Variants in ABCA6 observed in about 807,000 individuals in gnomAD.
The protein encoded by ABCA6 is ATP-binding cassette sub-family A member 6.
Under a neutral mutation model 191.2 loss-of-function variants are expected in ABCA6, and 164 were observed. That is an observed-to-expected ratio of 0.86 (90% CI 0.76 to 0.98). The LOEUF (loss-of-function observed/expected upper bound fraction) is 0.98. ABCA6 is among the 50% of genes least tolerant of loss of function. ABCA6 has a pLI of 0.00. For synonymous variants in ABCA6, 636 were observed against 647.7 expected, an observed-to-expected ratio of 0.98 and a Z score of 0.27; for missense variants, 1,958 against 1,894.1, an observed-to-expected ratio of 1.03 and a Z score of -0.63.
At chr17:69,127,867 T>C (rs2073782078) in intron 8 of ABCA6, among the ~76,000 whole-genome samples, 1 of 152,104 alleles carries the variant, frequency 6.6e-6, no homozygotes, top group South Asian at 2.1e-4. Flanking sequence ...AACTAAAAAT[T>C]ATCATAATCT....
Position 69,096,286 on chromosome 17 carries a change from C to A in ABCA6, c.3362G>T (p.Arg1121Leu), listed in dbSNP as rs144019394. Residue 1121 changes from arginine to leucine, a missense_variant, in exon 25 of 39, where the codon CGC becomes CTC. Arg to Leu is a moderately radical substitution (Grantham distance 102, BLOSUM62 -2). Transcript: ENST00000284425. ...FFIYMISFIF[R>L]KRRKNSGLWS... ...AAGGCCACTGTTTTTTCTCCTTTTG[C>A]GAAAAATAAATGATATCATATATAT... 1 of 1,527,744 alleles carries A rather than the reference C, an allele frequency of 6.5e-7. No homozygotes were observed. Among genetic ancestry groups the A allele is most frequent in the Non-Finnish European group, 8.8e-7 (1 of 1,136,904 alleles). The allele number at this position is 1,527,744 out of a possible 1,614,324, so 94.6% of individuals were successfully genotyped here. A position where few individuals can be genotyped will look rare whatever the true frequency, so the allele number is the denominator to read the frequency against.
At chr17:69,101,688 C>T (rs1428888909) in intron 21 of ABCA6, among the ~76,000 whole-genome samples, 1 of 151,806 alleles carries the variant, frequency 6.6e-6, no homozygotes, top group East Asian at 1.9e-4. Flanking sequence ...TCATCCTTAC[C>T]CTGCCAAAGA....
chr17:69,086,374 G>A (rs1196516193), intron 30 of ABCA6, among the ~76,000 whole-genome samples: 2 of 151,688 alleles, frequency 1.3e-5, no homozygotes, highest in Non-Finnish European at 1.5e-5. Context: ...GAGACACAAC[G>A]TTTCCAAATG....
Position 69,087,466 on chromosome 17 carries a change from G to C in ABCA6, c.3706C>G (p.Pro1236Ala). 1 of 1,613,558 alleles carries C rather than the reference G, an allele frequency of 6.2e-7. No homozygotes were observed. Residue 1236 changes from proline (P) to alanine (A), a missense_variant, in exon 29 of 39, where the codon CCC becomes GCC. By Grantham distance (27) the Pro-to-Ala change is conservative (BLOSUM62 -1). Coordinates refer to ENST00000284425, the MANE Select transcript of ABCA6 (RefSeq NM_080284.3). Reference sequence around the variant, plus strand: ...TTTGGCTTAGCATCTCTACTTTGGGGGGAAATTCTATGGAGAAAATGAAAT... The same window carrying C: ...TTTGGCTTAGCATCTCTACTTTGGGCGGAAATTCTATGGAGAAAATGAAAT... ...MRKDPVFRIS[P>A]QSRDAKPNPE...
intron 18 of ABCA6, 37 bp from the exon 19 acceptor site, chr17:69,106,248 A>C: frequency 6.4e-7 from 1 of 1,554,740 alleles, no homozygotes; most frequent in Non-Finnish European, 8.7e-7. Context: ...ACATATTATA[A>C]TATTAATGCC....
Position 69,140,700 on chromosome 17 carries a change from T to A in ABCA6, c.4A>T (p.Asn2Tyr). The change falls in exon 2 of 39, where the codon AAT (asparagine) becomes TAT (tyrosine). Residue 2 changes from asparagine (N) to tyrosine (Y), a missense_variant. Asn to Tyr is a moderately radical substitution (Grantham distance 143). Transcript: ENST00000284425. M[N>Y]MKQKSVYQQT... ...TGATACACGCTTTTCTGTTTCATAT[T>A]CATTTAGCCTATTCGCTGAAGGAGA... is the stretch of plus-strand genomic sequence containing the variant. The A allele has an allele frequency of 1.3e-6, 2 of 1,584,152 alleles. No homozygotes were observed. The highest frequency in any genetic ancestry group is 1.7e-6 in the Non-Finnish European group (2 of 1,166,208).
intron 37 of ABCA6, among the ~76,000 whole-genome samples, chr17:69,079,811 C>T (rs1164763011): frequency 6.6e-6 from 1 of 152,160 alleles, no homozygotes; most frequent in Non-Finnish European, 1.5e-5. Context: ...GTACTCCTGC[C>T]TTGATATAGT....
intron 20 of ABCA6, among the ~76,000 whole-genome samples, chr17:69,103,211 A>T (rs564456913): frequency 3.3e-5 from 5 of 152,310 alleles, no homozygotes; most frequent in African/African-American, 1.2e-4. Context: ...AATCATAAAA[A>T]TAAGCTAATT....
chr17:69,085,582 C>G, intron 31 of ABCA6, 43 bp downstream of exon 31: 1 of 1,322,376 alleles, frequency 7.6e-7, no homozygotes, highest in African/African-American at 1.5e-5. Context: ...CTATACGTAT[C>G]ATGAAATTCC....
intron 6 of ABCA6, among the ~76,000 whole-genome samples, chr17:69,129,953 C>T (rs141386790): frequency 5.3e-5 from 8 of 152,206 alleles, no homozygotes; most frequent in Non-Finnish European, 7.4e-5. Flanking sequence ...CATTCATCTT[C>T]GTTACCTTTA....
At chr17:69,108,016 A>G (rs1483161384) in intron 17 of ABCA6, 1 of 474,924 alleles carries the variant, frequency 2.1e-6, no homozygotes, top group Non-Finnish European at 3.7e-6. Flanking sequence ...CCATCCTCAA[A>G]CTGTCTCACT....
At position 69,123,357 on chromosome 17, in the gene ABCA6, A is replaced by G. The variant is rs2073686938; in HGVS notation, c.1318T>C (p.Cys440Arg). The G allele has an allele frequency of 4.5e-6, 7 of 1,555,024 alleles. No individual in the cohort carries two copies. The highest frequency in any genetic ancestry group is 6.1e-6 in the Non-Finnish European group (7 of 1,143,802). Reference sequence around the variant, plus strand: ...GCATTAGTCCTTTGGTGTTGGAAACAAGATGATGAATTCAAGAAAAATAAA... The same window carrying G: ...GCATTAGTCCTTTGGTGTTGGAAACGAGATGATGAATTCAAGAAAAATAAA... The part of the protein sequence containing the change: ...SPLFFLNSSS[C>R]FQHQRTNAKV... Residue 440 changes from cysteine (C) to arginine (R), a missense_variant, in exon 10 of 39, where the codon TGT becomes CGT. Physicochemically the swap from Cys to Arg is radical, Grantham distance 180. Transcript: ENST00000284425.
chr17:69,090,444 A>G (rs1455485838), intron 26 of ABCA6, among the ~76,000 whole-genome samples: 1 of 152,146 alleles, frequency 6.6e-6, no homozygotes, highest in Non-Finnish European at 1.5e-5. Flanking sequence ...TGTCCCATTA[A>G]CTAATTATTA....
chr17:69,101,107 G>A lies in ABCA6; in HGVS notation c.2875-173C>T, dbSNP rs371412372. Among the ~76,000 whole-genome samples, 25 of 152,262 alleles carry A rather than the reference G, an allele frequency of 1.6e-4. No homozygotes were observed. In the East Asian group the frequency reaches 3.7e-3, roughly 22 times the overall value. On this transcript the variant is annotated intron_variant, in intron 21 of 38. Coordinates refer to ENST00000284425, the MANE Select transcript of ABCA6 (RefSeq NM_080284.3). ...TCTATGAAAAGGAAATACTAAATGGGTTGTTATAGGGCTTAAATGACACTC... is the reference window on the plus strand; with the variant it reads ...TCTATGAAAAGGAAATACTAAATGGATTGTTATAGGGCTTAAATGACACTC...
chr17:69,101,010 C>T, intron 21 of ABCA6, 76 bp from the exon 22 acceptor site: 1 of 1,225,836 alleles, frequency 8.2e-7, no homozygotes. Flanking sequence ...TATAAAAGAT[C>T]CTAACAGTGC....
Position 69,106,035 on chromosome 17 carries a change from A to G in ABCA6, c.2566T>C (p.Leu856=), listed in dbSNP as rs202127512. 1 of 1,611,056 alleles carries G rather than the reference A, an allele frequency of 6.2e-7. No individual in the cohort carries two copies. The highest frequency in any genetic ancestry group is 2.2e-5 in the East Asian group (1 of 44,812). The change falls in exon 19 of 39, where the codon TTG becomes CTG. Residue 856 remains leucine, a synonymous_variant. Transcript: ENST00000284425. ...CAGTACTCTCCTACTCACAGGGTCAATAACACTTTAGTTTGACGTTTTAAC... is the reference window on the plus strand; with the variant it reads ...CAGTACTCTCCTACTCACAGGGTCAGTAACACTTTAGTTTGACGTTTTAAC... ...LKLKRQTKVL[L]TLLLVFGIAI... is the part of the protein sequence containing the mutation.
In ABCA6 at chr17:69,115,452, C is replaced by T. The variant is rs371648432; in HGVS notation, c.1530G>A (p.Thr510=). The T allele has an allele frequency of 3.1e-5, 50 of 1,611,476 alleles. No individual in the cohort carries two copies. In the African/African-American group the frequency reaches 4.8e-4, roughly 15 times the overall value. The change falls in exon 12 of 39, where the codon ACG becomes ACA. Residue 510 remains threonine, a synonymous_variant. Coordinates refer to ENST00000284425, the MANE Select transcript of ABCA6 (RefSeq NM_080284.3). The stretch of plus-strand genomic sequence containing the variant: ...CAGCTCCACTGTGACCCAGGATTGC[C>T]GTGATTTGACCTTCATATATGTCAA... ...LLFDIYEGQI[T]AILGHSGAGK...
Position 69,110,924 on chromosome 17 carries a change from T to C in ABCA6, c.2149A>G (p.Ile717Val), listed in dbSNP as rs1292581817. ...GATGTTATTTGTTCTGGGTTACATA[T>C]TTCATTCCTATGTAAACTAATATTT... ...GYHLSLHRNE[I>V]CNPEQITSFI... The change falls in exon 17 of 39, where the codon ATA (isoleucine) becomes GTA (valine). Residue 717 changes from isoleucine (I) to valine (V), a missense_variant. Ile to Val is a conservative substitution (Grantham distance 29). Coordinates refer to ENST00000284425, the MANE Select transcript of ABCA6 (RefSeq NM_080284.3). 1 of 1,601,658 alleles carries C rather than the reference T, an allele frequency of 6.2e-7. No individual in the cohort carries two copies. Among genetic ancestry groups the C allele is most frequent in the Non-Finnish European group, 8.5e-7 (1 of 1,175,602 alleles).
At chr17:69,124,785 G>A in intron 9 of ABCA6, 103 bp downstream of exon 9, 2 of 621,670 alleles carry the variant, frequency 3.2e-6, no homozygotes, top group Admixed American at 4.1e-5. Flanking sequence ...AGTTTGAAAT[G>A]GGAAATATTT....
Sources: allele counts gnomAD v4.1 joint callset (sites outside exome capture counted in the v4.1 genomes callset), GRCh38; gene constraint gnomAD v4.1.1; transcripts MANE v1.5; gene names NCBI Gene and HGNC (gene_info 2026-07-23, HGNC 2026-07-21).